The following KIF15 variants were observed in gnomAD, a reference collection of about 807,000 sequenced individuals.
KIF15 encodes the protein kinesin family member 15.
A neutral mutation model predicts 190.6 loss-of-function variants in KIF15; 140 were observed. The observed-to-expected ratio is 0.73, with a 90% CI of 0.64 to 0.84. The LOEUF is 0.84. Ranked by LOEUF, KIF15 falls within the 40% of genes least tolerant of loss-of-function variation. The pLI, the probability that KIF15 is intolerant of heterozygous loss-of-function variation, is 0.00. For synonymous variants in KIF15, 528 were observed against 551.3 expected, an observed-to-expected ratio of 0.96 and a Z score of 0.59; for missense variants, 1,372 against 1,584.4, an observed-to-expected ratio of 0.87 and a Z score of 2.28.
chr3:44,808,582 G>T (rs59726036), intron 16 of KIF15, among the ~76,000 whole-genome samples: 70,041 of 147,774 alleles, frequency 0.47, 17,197 homozygotes, highest in East Asian at 0.83. Context: ...CCTAGATTGT[G>T]TATTGTTTTG....
At position 44,777,862 on chromosome 3, in the gene KIF15, A is replaced by G. The variant is rs191791996; in HGVS notation, c.247-253A>G. ...GTTTATTTATGCTAGTACCAGTACA[A>G]TATCTACATGCAATATGCTCTACAA... is the stretch of plus-strand genomic sequence containing the variant. On this transcript the variant is annotated intron_variant, in intron 3 of 34. Coordinates refer to ENST00000326047, the MANE Select transcript of KIF15 (RefSeq NM_020242.3). Among the ~76,000 whole-genome samples, 7 of 152,334 alleles carry G rather than the reference A, an allele frequency of 4.6e-5. No individual in the cohort carries two copies. In the East Asian group the frequency reaches 1.2e-3, roughly 25 times the overall value.
chr3:44,802,957 C>T lies in KIF15; in HGVS notation c.1653C>T (p.Phe551=). Residue 551 remains phenylalanine (F), a synonymous_variant, in exon 14 of 35, where the codon TTC becomes TTT. Coordinates refer to ENST00000326047, the MANE Select transcript of KIF15 (RefSeq NM_020242.3). ...AQTIAKLEKA[F]SEISGMEKSD... is the part of the protein sequence containing the mutation. ...CCATTGCAAAACTAGAAAAAGCTTT[C>T]TCTGAAATAAGTGGCATGGAGAAAA... The T allele has an allele frequency of 6.2e-7, 1 of 1,601,390 alleles. No individual in the cohort carries two copies. The highest frequency in any genetic ancestry group is 8.5e-7 in the Non-Finnish European group (1 of 1,176,914).
At chr3:44,788,089 G>A (rs530946771) in intron 7 of KIF15, among the ~76,000 whole-genome samples, 4 of 152,190 alleles carry the variant, frequency 2.6e-5, no homozygotes, top group African/African-American at 4.8e-5. Flanking sequence ...CTGAGCTCAG[G>A]CAATCCACCT....
intron 20 of KIF15, among the ~76,000 whole-genome samples, chr3:44,816,965 G>A (rs1708057545): frequency 6.6e-6 from 1 of 151,864 alleles, no homozygotes; most frequent in African/African-American, 2.4e-5. Flanking sequence ...TTGTGGTTTT[G>A]ATTTGCATTT....
At position 44,850,827 on chromosome 3, in the gene KIF15, A is replaced by G. The variant is rs371425714; in HGVS notation, c.3807-960A>G. On this transcript the variant is annotated intron_variant, in intron 32 of 34. Transcript: ENST00000326047. ...TATATCATCTTAGCAATCAACCGCT[A>G]GAAATTAGCTGGCTTTGAGTGGTGT... Among the ~76,000 whole-genome samples, 28 of 152,370 alleles carry G rather than the reference A, an allele frequency of 1.8e-4. No individual in the cohort carries two copies. The East Asian group carries it at 3.9e-3, about 21-fold the overall frequency.
chr3:44,867,583 A>T (rs1699334471), intron 6 of KIF15, among the ~76,000 whole-genome samples: 2 of 152,366 alleles, frequency 1.3e-5, no homozygotes, highest in South Asian at 4.1e-4. Flanking sequence ...ACACTTGCTT[A>T]ATGCATAGAG....
chr3:44,850,480 G>A (rs1699022258), intron 32 of KIF15, among the ~76,000 whole-genome samples: 1 of 152,120 alleles, frequency 6.6e-6, no homozygotes, highest in Non-Finnish European at 1.5e-5. Context: ...TCATAGTCTA[G>A]TAACCAAGAG....
chr3:44,866,128 A>G (rs112351448), intron 6 of KIF15, among the ~76,000 whole-genome samples: 1,730 of 146,518 alleles, frequency 0.012, 30 homozygotes, highest in African/African-American at 0.04. Context: ...GCTGGAGTGC[A>G]GTGGCGCAAT....
chr3:44,841,175 A>G lies in KIF15; in HGVS notation c.3522A>G (p.Glu1174=). The part of the protein sequence containing the change: ...EDGRASKTSL[E]HLVTKLNEDR... The stretch of plus-strand genomic sequence containing the variant: ...GAAGAGCCTCTAAGACTTCTTTGGA[A>G]CACCTTGTAACAAAGCTAAATGAAG... The change falls in exon 29 of 35, where the codon GAA becomes GAG. Residue 1174 remains glutamate (E), a synonymous_variant. Transcript: ENST00000326047. 6.2e-7 allele frequency: 1 copy of G among 1,613,506 alleles called. No homozygotes were observed.
At chr3:44,778,953 C>T (rs1018298897) in intron 4 of KIF15, among the ~76,000 whole-genome samples, 7 of 117,046 alleles carry the variant, frequency 6.0e-5, no homozygotes, top group African/African-American at 2.4e-4. Context: ...GCACTCCAGC[C>T]TGGGTGACAG....
At chr3:44,835,818 A>G (rs1397567525) in intron 26 of KIF15, among the ~76,000 whole-genome samples, 3 of 152,204 alleles carry the variant, frequency 2.0e-5, no homozygotes, top group Admixed American at 2.0e-4. Flanking sequence ...ATATGTTGGG[A>G]AAATTGTCTG....
At chr3:44,812,694 G>T (rs1431882888) in intron 18 of KIF15, among the ~76,000 whole-genome samples, 1 of 152,166 alleles carries the variant, frequency 6.6e-6, no homozygotes, top group East Asian at 1.9e-4. Flanking sequence ...AACAGGGACA[G>T]GTTAATGGGG....
intron 27 of KIF15, among the ~76,000 whole-genome samples, chr3:44,839,269 A>G (rs990088468): frequency 6.6e-6 from 1 of 151,944 alleles, no homozygotes; most frequent in African/African-American, 2.4e-5. Flanking sequence ...CTACTCGGGA[A>G]GGCTGAGGCA....
intron 6 of KIF15, among the ~76,000 whole-genome samples, chr3:44,860,839 A>G (rs1016091047): frequency 6.6e-6 from 1 of 151,760 alleles, no homozygotes; most frequent in Non-Finnish European, 1.5e-5. Flanking sequence ...TACATATTCT[A>G]TAATTTTTTT....
At chr3:44,856,378 T>G (rs1314413855), downstream of KIF15, among the ~76,000 whole-genome samples, 1 of 152,212 alleles carries the variant, frequency 6.6e-6, no homozygotes. Flanking sequence ...AAGTGATTTC[T>G]TTGAGGACAG....
chr3:44,864,333 T>C (rs780832666), intron 6 of KIF15: 11 of 1,614,184 alleles, frequency 6.8e-6, no homozygotes, highest in East Asian at 6.7e-5. Context: ...TTTTCAAATA[T>C]CCTCAGCTCG....
chr3:44,819,550 C>A (rs554472424), intron 20 of KIF15, among the ~76,000 whole-genome samples: 1 of 152,248 alleles, frequency 6.6e-6, no homozygotes, highest in African/African-American at 2.4e-5. Context: ...TGTAGTGGTG[C>A]AGTTTTGAGT....
In KIF15 at chr3:44,852,756, G is replaced by C. The variant is rs1699108800; in HGVS notation, c.*21G>C. ...CTTGAGGATTCCGGTCAGCTACCTA[G>C]GCATCACCTTGTTTGAAGATGTTTC... On this transcript the variant is annotated 3_prime_UTR_variant, in exon 35 of 35. Coordinates refer to ENST00000326047, the MANE Select transcript of KIF15 (RefSeq NM_020242.3). The C allele has an allele frequency of 6.4e-7, 1 of 1,569,678 alleles. No homozygotes were observed. Among genetic ancestry groups the C allele is most frequent in the Non-Finnish European group, 8.6e-7 (1 of 1,160,650 alleles).
rs751078688 is a variant in KIF15 at position 44,841,156 on chromosome 3, C to T, written c.3503C>T (p.Ala1168Val). The T allele has an allele frequency of 2.5e-6, 4 of 1,612,560 alleles. No individual in the cohort carries two copies. The highest frequency in any genetic ancestry group is 3.3e-5 in the Admixed American group (2 of 59,954). Residue 1168 changes from alanine to valine, a missense_variant, in exon 29 of 35, where the codon GCC (alanine) becomes GTC (valine). Ala to Val is a moderately conservative substitution (Grantham distance 64). Coordinates refer to ENST00000326047, the MANE Select transcript of KIF15 (RefSeq NM_020242.3). The part of the protein sequence containing the change: ...TQEQEIEDGR[A>V]SKTSLEHLVT... The stretch of plus-strand genomic sequence containing the variant: ...GAACAAGAGATAGAAGATGGAAGAG[C>T]CTCTAAGACTTCTTTGGAACACCTT...
Sources: allele counts gnomAD v4.1 joint callset (sites outside exome capture counted in the v4.1 genomes callset), GRCh38; gene constraint gnomAD v4.1.1; transcripts MANE v1.5; gene names NCBI Gene and HGNC (gene_info 2026-07-23, HGNC 2026-07-21).